Variants in DLG2 observed in about 807,000 individuals in gnomAD.
The protein encoded by DLG2 is disks large homolog 2.
A neutral mutation model predicts 132.5 loss-of-function variants in DLG2; 45 were observed. The ratio of observed to expected loss-of-function variants is 0.34; its 90% confidence interval spans 0.27 to 0.44. The LOEUF (loss-of-function observed/expected upper bound fraction) is 0.44. DLG2 is among the 20% of genes least tolerant of loss of function. The pLI is 1.00. For synonymous variants in DLG2, 424 were observed against 419.6 expected, an observed-to-expected ratio of 1.01 and a Z score of -0.13; for missense variants, 1,045 against 1,196.9, an observed-to-expected ratio of 0.87 and a Z score of 1.87.
At chr11:85,165,311 C>A (rs1171570353) in intron 4 of DLG2, among the ~76,000 whole-genome samples, 1 of 152,064 alleles carries the variant, frequency 6.6e-6, no homozygotes, top group Non-Finnish European at 1.5e-5. Flanking sequence ...TATGGGAGGC[C>A]ATTGTTTTGG....
At chr11:83,632,617 C>T (rs1419466093) in intron 19 of DLG2, 1 of 152,282 alleles carries the variant, frequency 6.6e-6, no homozygotes, top group African/African-American at 2.4e-5. Context: ...ATTTCACATT[C>T]AATCAATCAT....
intron 6 of DLG2, among the ~76,000 whole-genome samples, chr11:84,922,816 TC>T (rs1206864339): frequency 6.6e-6 from 1 of 150,934 alleles, no homozygotes; most frequent in Non-Finnish European, 1.5e-5. Flanking sequence ...CATCTTTTCT[TC>T]CCCCCTCTCC....
chr11:84,061,634 T>C, intron 10 of DLG2, among the ~76,000 whole-genome samples: 1 of 152,180 alleles, frequency 6.6e-6, no homozygotes. Context: ...ACAATGATAA[T>C]ATTATATGAA....
At chr11:83,785,682 C>T (rs999173987) in intron 18 of DLG2, among the ~76,000 whole-genome samples, 2 of 152,194 alleles carry the variant, frequency 1.3e-5, no homozygotes, top group Non-Finnish European at 2.9e-5. Flanking sequence ...GATTGGCCAC[C>T]ATTAATGGTA....
intron 16 of DLG2, among the ~76,000 whole-genome samples, chr11:83,857,535 C>G (rs2060729734): frequency 6.6e-6 from 1 of 152,138 alleles, no homozygotes; most frequent in Admixed American, 6.5e-5. Context: ...GACACATAAT[C>G]ATCAGAATCT....
chr11:83,457,646 C>G lies in DLG2; in HGVS notation c.*2172G>C, dbSNP rs1375691411. The G allele has an allele frequency of 6.6e-6, 1 of 152,362 alleles. No homozygotes were observed. The highest frequency in any genetic ancestry group is 1.9e-4 in the East Asian group (1 of 5,198). The allele number at this position is 152,362 out of a possible 1,614,324, so 9.4% of individuals were successfully genotyped here. A position where few individuals can be genotyped will look rare whatever the true frequency, so the allele number is the denominator to read the frequency against. ...TCTTTTAAATAAATGGTTGCATGCT[C>G]AGTTGAGAAACCAAAGAAGTTATCG... On this transcript the variant is annotated 3_prime_UTR_variant, in exon 28 of 28. Transcript: ENST00000376104.
At chr11:84,873,276 T>C (rs537080073) in intron 6 of DLG2, among the ~76,000 whole-genome samples, 1 of 152,126 alleles carries the variant, frequency 6.6e-6, no homozygotes, top group East Asian at 1.9e-4. Context: ...ACTGTCAAGG[T>C]GGAGGAAAAA....
At chr11:84,786,772 A>G (rs1380611327) in intron 6 of DLG2, among the ~76,000 whole-genome samples, 4 of 152,142 alleles carry the variant, frequency 2.6e-5, no homozygotes, top group Non-Finnish European at 4.4e-5. Flanking sequence ...TCCTCAAAAG[A>G]ACTACCATAG....
chr11:83,584,544 C>T (rs1396826718), intron 19 of DLG2, among the ~76,000 whole-genome samples: 1 of 152,100 alleles, frequency 6.6e-6, no homozygotes. Context: ...AACCATCAAA[C>T]TGGAATAATG....
At chr11:83,830,079 T>C (rs1466977887) in intron 17 of DLG2, among the ~76,000 whole-genome samples, 1 of 152,206 alleles carries the variant, frequency 6.6e-6, no homozygotes, top group Non-Finnish European at 1.5e-5. Flanking sequence ...ACAGGTGAAA[T>C]ACATTTTGAT....
intron 11 of DLG2, among the ~76,000 whole-genome samples, chr11:84,039,223 T>C (rs1372341443): frequency 6.6e-6 from 1 of 152,014 alleles, no homozygotes; most frequent in Non-Finnish European, 1.5e-5. Flanking sequence ...AGTTAATTTT[T>C]TTTTTATTAT....
At chr11:85,619,175 T>C (rs2081535705) in intron 2 of DLG2, among the ~76,000 whole-genome samples, 1 of 152,166 alleles carries the variant, frequency 6.6e-6, no homozygotes, top group Admixed American at 6.5e-5. Context: ...GTCAAAATTG[T>C]CCCTACGGGG....
chr11:84,860,738 T>C (rs549549110), intron 6 of DLG2, among the ~76,000 whole-genome samples: 1 of 152,206 alleles, frequency 6.6e-6, no homozygotes, highest in East Asian at 1.9e-4. Context: ...GTAGCTAATG[T>C]TTTGGAATAT....
At chr11:85,429,967 A>G (rs897429034) in intron 3 of DLG2, among the ~76,000 whole-genome samples, 23 of 152,338 alleles carry the variant, frequency 1.5e-4, no homozygotes, top group African/African-American at 3.4e-4. Flanking sequence ...CCAAATGTCC[A>G]ACAATGATAG....
At chr11:84,072,065 A>G (rs2096765880) in intron 10 of DLG2, among the ~76,000 whole-genome samples, 1 of 152,250 alleles carries the variant, frequency 6.6e-6, no homozygotes, top group South Asian at 2.1e-4. Flanking sequence ...GGGAGTGTCT[A>G]ATGCACATAA....
rs151229170 is a variant in DLG2 at position 84,576,130 on chromosome 11, G to T, written c.358-41399C>A. ...AAACTTATTAGCACTTTTCCTGCAA[G>T]CTTTCCAATCCTTTAATTAACATCA... is the stretch of plus-strand genomic sequence containing the variant. On this transcript the variant is annotated intron_variant, in intron 6 of 27. Transcript: ENST00000376104. 4.6e-5 allele frequency among the ~76,000 whole-genome samples: 7 copies of T among 152,274 alleles called. No individual in the cohort carries two copies. The East Asian group carries it at 1.3e-3, about 29-fold the overall frequency.
At chr11:84,603,027 T>C (rs1373811159) in intron 6 of DLG2, among the ~76,000 whole-genome samples, 1 of 151,914 alleles carries the variant, frequency 6.6e-6, no homozygotes, top group African/African-American at 2.4e-5. Flanking sequence ...TTGAAGGAAA[T>C]AGAATAGAAT....
At chr11:84,878,478 T>A (rs1428209986) in intron 6 of DLG2, among the ~76,000 whole-genome samples, 1 of 152,086 alleles carries the variant, frequency 6.6e-6, no homozygotes, top group Non-Finnish European at 1.5e-5. Flanking sequence ...ACACTTCATG[T>A]TCTCACTCAT....
rs190255709 is a variant in DLG2, at chr11:84,320,781, A to C, written c.520-69490T>G. ...TAACCAAAACAGAGGATTTAATAGA[A>C]GGTAGAAAAAACTTTTAAAATGTCC... On this transcript the variant is annotated intron_variant, in intron 7 of 27. Coordinates refer to ENST00000376104, the MANE Select transcript of DLG2 (RefSeq NM_001142699.3). Among the ~76,000 whole-genome samples, 13 of 152,328 alleles carry C rather than the reference A, an allele frequency of 8.5e-5. No individual in the cohort carries two copies. In the East Asian group the frequency reaches 2.3e-3, roughly 27 times the overall value.
Sources: allele counts gnomAD v4.1 joint callset (sites outside exome capture counted in the v4.1 genomes callset), GRCh38; gene constraint gnomAD v4.1.1; transcripts MANE v1.5; gene names NCBI Gene and HGNC (gene_info 2026-07-23, HGNC 2026-07-21).